SSBP2: variants seen among roughly 807,000 people sequenced by gnomAD.
SSBP2 encodes the protein single stranded DNA binding protein 2, also known as single-stranded DNA-binding protein 2.
Under a neutral mutation model 61.8 loss-of-function variants are expected in SSBP2, and 17 were observed. The observed-to-expected ratio is 0.28, with a 90% CI of 0.19 to 0.41. The LOEUF (loss-of-function observed/expected upper bound fraction) is 0.41, where lower values mean the gene tolerates loss of function less well. SSBP2 is among the 10% of genes least tolerant of loss of function. The pLI is 1.00. For synonymous variants in SSBP2, 139 were observed against 141.3 expected (o/e 0.98, Z 0.12); for missense variants, 310 against 458.7 (o/e 0.68, Z 2.96).
chr5:81,586,458 T>C (rs1775060249), intron 4 of SSBP2, among the ~76,000 whole-genome samples: 1 of 152,104 alleles, frequency 6.6e-6, no homozygotes, highest in Admixed American at 6.6e-5. Flanking sequence ...AATTATTTCA[T>C]AATATTAATT....
chr5:81,716,501 T>C (rs2153956462), intron 1 of SSBP2, among the ~76,000 whole-genome samples: 1 of 152,344 alleles, frequency 6.6e-6, no homozygotes, highest in South Asian at 2.1e-4. Context: ...AAATTATTAA[T>C]ATATTGCAGC....
chr5:81,484,136 A>G (rs1239090169), intron 6 of SSBP2, among the ~76,000 whole-genome samples: 2 of 152,148 alleles, frequency 1.3e-5, no homozygotes, highest in Non-Finnish European at 2.9e-5. Context: ...GAATGATTCA[A>G]TATTTCTGAG....
intron 1 of SSBP2, among the ~76,000 whole-genome samples, chr5:81,750,419 G>A (rs1489480118): frequency 1.4e-5 from 2 of 144,582 alleles, no homozygotes; most frequent in Middle Eastern, 3.5e-3. Context: ...GCTTCCGCCC[G>A]CCGCGCGCCC....
intron 10 of SSBP2, among the ~76,000 whole-genome samples, chr5:81,459,820 A>G (rs910476268): frequency 6.6e-6 from 1 of 152,208 alleles, no homozygotes; most frequent in Non-Finnish European, 1.5e-5. Context: ...AAAGCATGTA[A>G]GCAAATGAAA....
intron 4 of SSBP2, among the ~76,000 whole-genome samples, chr5:81,582,318 C>G (rs1774719464): frequency 1.3e-5 from 2 of 152,042 alleles, no homozygotes; most frequent in South Asian, 4.2e-4. Context: ...CAAAGGATGA[C>G]AGATTTCCAT....
chr5:81,698,570 G>A (rs1246177533), intron 1 of SSBP2, among the ~76,000 whole-genome samples: 1 of 152,210 alleles, frequency 6.6e-6, no homozygotes, highest in Admixed American at 6.5e-5. Flanking sequence ...CTAGCACTTT[G>A]GGATGCTGTG....
At chr5:81,738,378 CAT>C (rs769669063) in intron 1 of SSBP2, among the ~76,000 whole-genome samples, 8 of 152,324 alleles carry the variant, frequency 5.3e-5, no homozygotes, top group East Asian at 1.9e-4. Context: ...TCAGCTCTAA[CAT>C]GTGTACTTCA....
intron 5 of SSBP2, among the ~76,000 whole-genome samples, chr5:81,497,044 T>C (rs1767342236): frequency 6.6e-6 from 1 of 152,316 alleles, no homozygotes; most frequent in East Asian, 1.9e-4. Context: ...GCAAGCTAAT[T>C]TGCACATAAA....
intron 4 of SSBP2, among the ~76,000 whole-genome samples, chr5:81,608,642 A>C (rs1745118612): frequency 6.6e-6 from 1 of 152,190 alleles, no homozygotes; most frequent in Non-Finnish European, 1.5e-5. Flanking sequence ...AAATGACTAA[A>C]ATAAGCAGTT....
At chr5:81,713,673 C>A (rs1239935194) in intron 1 of SSBP2, among the ~76,000 whole-genome samples, 1 of 152,084 alleles carries the variant, frequency 6.6e-6, no homozygotes, top group Non-Finnish European at 1.5e-5. Flanking sequence ...AACTACTACT[C>A]CACTCTTTAG....
At chr5:81,462,344 C>T (rs1764600262) in intron 9 of SSBP2, among the ~76,000 whole-genome samples, 1 of 152,146 alleles carries the variant, frequency 6.6e-6, no homozygotes, top group African/African-American at 2.4e-5. Context: ...TGATATTACC[C>T]ATGTTTGCAT....
At chr5:81,511,174 AT>A (rs1190449782) in intron 5 of SSBP2, among the ~76,000 whole-genome samples, 1 of 152,114 alleles carries the variant, frequency 6.6e-6, no homozygotes, top group African/African-American at 2.4e-5. Flanking sequence ...TTCATTTACT[AT>A]TTTGACAATA....
intron 1 of SSBP2, among the ~76,000 whole-genome samples, chr5:81,657,581 A>C (rs549067516): frequency 8.8e-4 from 134 of 152,272 alleles, no homozygotes; most frequent in Middle Eastern, 3.4e-3. Context: ...AAACCAGTGA[A>C]ACTAGTATGG....
intron 1 of SSBP2, among the ~76,000 whole-genome samples, chr5:81,698,985 G>A (rs143720391): frequency 6.6e-6 from 1 of 152,174 alleles, no homozygotes; most frequent in African/African-American, 2.4e-5. Context: ...GACCACTGCA[G>A]TAAAGTGAAC....
chr5:81,632,649 TGTATGGG>T (rs1188572733), intron 3 of SSBP2, among the ~76,000 whole-genome samples: 1 of 152,066 alleles, frequency 6.6e-6, no homozygotes, highest in Admixed American at 6.5e-5. Flanking sequence ...TCTCAGGCCT[TGTATGGG>T]GTTTTAAACC....
chr5:81,583,967 T>C (rs1774880328), intron 4 of SSBP2, among the ~76,000 whole-genome samples: 1 of 152,204 alleles, frequency 6.6e-6, no homozygotes, highest in African/African-American at 2.4e-5. Flanking sequence ...AATACAATGA[T>C]TATATTACAA....
intron 1 of SSBP2, 101 bp downstream of exon 1, chr5:81,750,880 T>C: frequency 1.1e-5 from 13 of 1,209,220 alleles, no homozygotes; most frequent in South Asian, 5.8e-5. Flanking sequence ...CCCCCGGCGC[T>C]CCCCGGGCGG....
chr5:81,469,039 C>T (rs1765075045), intron 8 of SSBP2, among the ~76,000 whole-genome samples: 1 of 151,898 alleles, frequency 6.6e-6, no homozygotes, highest in South Asian at 2.1e-4. Flanking sequence ...TTTGGTCTTA[C>T]AAGATCTCTG....
intron 1 of SSBP2, among the ~76,000 whole-genome samples, chr5:81,677,829 GAAA>G (rs796801784): frequency 2.9e-5 from 3 of 102,008 alleles, no homozygotes; most frequent in Non-Finnish European, 4.1e-5. Context: ...CCTTAAGGGT[GAAA>G]AAAAAAAAAA....
Sources: allele counts gnomAD v4.1 joint callset (sites outside exome capture counted in the v4.1 genomes callset), GRCh38; gene constraint gnomAD v4.1.1; transcripts MANE v1.5; gene names NCBI Gene and HGNC (gene_info 2026-07-23, HGNC 2026-07-21).